Variants in DBNL observed in about 807,000 individuals in gnomAD.
DBNL encodes drebrin like, also known as drebrin-like protein.
A neutral mutation model predicts 62.2 loss-of-function variants in DBNL; 35 were observed. The observed-to-expected ratio is 0.56, with a 90% CI of 0.43 to 0.75. The LOEUF (loss-of-function observed/expected upper bound fraction) is 0.75. Among genes scored for constraint, DBNL ranks in the 30% least tolerant of loss-of-function variants. DBNL has a pLI of 0.00. For missense variants in DBNL, 495 were observed against 578.4 expected, an observed-to-expected ratio of 0.86 and a Z score of 1.48; for synonymous variants, 197 against 218.0, an observed-to-expected ratio of 0.90 and a Z score of 0.85.
Position 44,062,484 on chromosome 7 carries a change from G to A in DBNL, c.*1568G>A, listed in dbSNP as rs1406983114. On this transcript the variant is annotated 3_prime_UTR_variant, in exon 13 of 13. Transcript: ENST00000448521. ...ACTGGCCCCAAGCACGCCAATTCTG[G>A]AGCATGGTTACTAAGTGGCTCTGAA... 4.2e-6 allele frequency: 2 copies of A among 480,310 alleles called. No homozygotes were observed. The highest frequency in any genetic ancestry group is 3.9e-5 in the African/African-American group (2 of 51,018). 29.8% of individuals were successfully genotyped at this position (480,310 alleles called of 1,614,324 possible).
At position 44,059,443 on chromosome 7, in the gene DBNL, AG is replaced by A; in HGVS notation, c.928del (p.Ala310GlnfsTer94). 1.9e-6 allele frequency: 3 copies of A among 1,614,070 alleles called. No homozygotes were observed. Among genetic ancestry groups the A allele is most frequent in the Non-Finnish European group, 2.5e-6 (3 of 1,179,994 alleles). On this transcript the variant is annotated frameshift_variant, in exon 10 of 13. Coordinates refer to ENST00000448521, the MANE Select transcript of DBNL (RefSeq NM_001014436.3). LOFTEE classifies it high-confidence loss of function. The surrounding 1 kb of genome is among the most constrained non-coding windows in gnomAD (Gnocchi z 4.1). ...GCCAGCTGCTGCCATCTCAAGGCCC[AG>A]GGCAGGCAAGGCGCTTGTCACCCCA... ...REPAAAISRP[R>X]ADLPAEEPAP... is the part of the protein sequence containing the mutation.
At chr7:44,052,785 C>A in intron 3 of DBNL, 82 bp from the exon 4 acceptor site, 1 of 1,536,116 alleles carries the variant, frequency 6.5e-7, no homozygotes, top group Non-Finnish European at 8.9e-7. Context: ...TTTTCTGGGA[C>A]ACAGGGTAGA....
rs557449714 is a variant in DBNL at position 44,054,769 on chromosome 7, A to G, written c.327+1828A>G. Among the ~76,000 whole-genome samples the G allele has an allele frequency of 2.6e-5, 4 of 152,178 alleles. No homozygotes were observed. In the East Asian group the frequency reaches 7.7e-4, roughly 29 times the overall value. ...ACTGTACTTTTGTACCTGTTAAGCAACTTCTCTTCATTTTCTCTCCCCCAT... is the reference window on the plus strand; with the variant it reads ...ACTGTACTTTTGTACCTGTTAAGCAGCTTCTCTTCATTTTCTCTCCCCCAT... On this transcript the variant is annotated intron_variant, in intron 4 of 12. Transcript: ENST00000448521.
intron 2 of DBNL, 52 bp downstream of exon 2, chr7:44,050,332 G>T: frequency 6.3e-7 from 1 of 1,596,076 alleles, no homozygotes; most frequent in South Asian, 1.1e-5. Context: ...GGAGGGTGAC[G>T]ACGAGGGGTC....
rs1410137995 is a variant in DBNL at position 44,064,350 on chromosome 7, C to T, written c.*3434C>T. The T allele has an allele frequency of 1.4e-5, 3 of 212,238 alleles. No homozygotes were observed. Among genetic ancestry groups the T allele is most frequent in the Admixed American group, 5.3e-5 (1 of 19,000 alleles). The allele number at this position is 212,238 out of a possible 1,614,324, so 13.1% of individuals were successfully genotyped here. On this transcript the variant is annotated 3_prime_UTR_variant, in exon 13 of 13. Transcript: ENST00000448521. ...CCAGAGGGAGATAGGTGGTGAAGCT[C>T]ATGCAGGGATTCTGAGGACCTGATG...
At position 44,059,941 on chromosome 7, in the gene DBNL, C is replaced by G. The variant is rs1040864425; in HGVS notation, c.1048-107C>G. The G allele has an allele frequency of 3.5e-6, 4 of 1,132,658 alleles. No homozygotes were observed. The highest frequency in any genetic ancestry group is 4.1e-5 in the Admixed American group (2 of 48,804). 70.2% of individuals were successfully genotyped at this position (1,132,658 alleles called of 1,614,324 possible). On this transcript the variant is annotated intron_variant, in intron 11 of 12. Transcript: ENST00000448521. The surrounding 1 kb of genome is among the most constrained non-coding windows in gnomAD (Gnocchi z 4.1). ...GCAGCCCAGCCCCCGAGCCTGTAGA[C>G]TGCTTGCCCTCTGCGTACTCCCAGC...
At chr7:44,044,920 G>T in intron 1 of DBNL, 100 bp downstream of exon 1, 1 of 1,231,680 alleles carries the variant, frequency 8.1e-7, no homozygotes, top group Admixed American at 3.8e-5. Context: ...GCGCGAGCGC[G>T]GAGCGGTGCC....
In DBNL at chr7:44,064,898, C is replaced by T. The variant is rs887686454; in HGVS notation, c.*3982C>T. ...GCTGCAATGAGCACTCGCTTGCCGGCCTTGATCTGGGGAACAATCTCCTCG... is the reference window on the plus strand; with the variant it reads ...GCTGCAATGAGCACTCGCTTGCCGGTCTTGATCTGGGGAACAATCTCCTCG... On this transcript the variant is annotated 3_prime_UTR_variant, in exon 13 of 13. Coordinates refer to ENST00000448521, the MANE Select transcript of DBNL (RefSeq NM_001014436.3). The T allele has an allele frequency of 1.4e-5, 22 of 1,611,262 alleles. No individual in the cohort carries two copies. Among genetic ancestry groups the T allele is most frequent in the Non-Finnish European group, 1.8e-5 (21 of 1,179,576 alleles).
At position 44,064,793 on chromosome 7, in the gene DBNL, G is replaced by GGCCCCCCCCCCAGCCCC; in HGVS notation, c.*3877_*3878insGCCCCCCCCCCAGCCCC. ...AGATGAGAAGCCAGCTGGGGCTGCT[G>GGCCCCCCCCCCAGCCCC]CCCACCCACCCTGCCCAGGCTCCTG... is the stretch of plus-strand genomic sequence containing the variant. On this transcript the variant is annotated 3_prime_UTR_variant, in exon 13 of 13. Coordinates refer to ENST00000448521, the MANE Select transcript of DBNL (RefSeq NM_001014436.3). 1 of 1,136,982 alleles carries GGCCCCCCCCCCAGCCCC rather than the reference G, an allele frequency of 8.8e-7. No individual in the cohort carries two copies. 70.4% of individuals were successfully genotyped at this position (1,136,982 alleles called of 1,614,324 possible).
rs1384082005 is a variant in DBNL, at chr7:44,065,247, G to T, written c.*4331G>T. ...GTTTCTGCCTTGTTGAGGCCTGTGA[G>T]GCCCCCGTAATGCCGCTCATTGAGG... On this transcript the variant is annotated 3_prime_UTR_variant, in exon 13 of 13. Coordinates refer to ENST00000448521, the MANE Select transcript of DBNL (RefSeq NM_001014436.3). The T allele has an allele frequency of 1.2e-6, 2 of 1,613,928 alleles. No homozygotes were observed. Among genetic ancestry groups the T allele is most frequent in the Non-Finnish European group, 1.7e-6 (2 of 1,180,054 alleles).
chr7:44,056,768 G>T lies in DBNL; in HGVS notation c.339G>T (p.Val113=). ...TMASFLKGAH[V]TINARAEEDV... is the part of the protein sequence containing the mutation. The stretch of plus-strand genomic sequence containing the variant: ...TGCTCCTGCTGCAGGGGGCCCATGT[G>T]ACCATCAACGCACGGGCCGAGGAGG... Residue 113 remains valine, a synonymous_variant, in exon 5 of 13, where the codon GTG becomes GTT. Transcript: ENST00000448521. 1 of 1,613,882 alleles carries T rather than the reference G, an allele frequency of 6.2e-7. No individual in the cohort carries two copies. Among genetic ancestry groups the T allele is most frequent in the South Asian group, 1.1e-5 (1 of 91,064 alleles).
In DBNL at chr7:44,060,803, C is replaced by T; in HGVS notation, c.1180C>T (p.Pro394Ser). ...AADDTEISFDPENLITGIEVI... is the reference protein window; with the variant it reads ...AADDTEISFDSENLITGIEVI... ...CGACGACACAGAGATCTCCTTTGAC[C>T]CCGAGAACCTCATCACGGGCATCGA... Residue 394 changes from proline to serine, a missense_variant, in exon 13 of 13, where the codon CCC (proline) becomes TCC (serine). By Grantham distance (74) the Pro-to-Ser change is moderately conservative (BLOSUM62 -1). Coordinates refer to ENST00000448521, the MANE Select transcript of DBNL (RefSeq NM_001014436.3). The surrounding 1 kb of genome is among the most constrained non-coding windows in gnomAD (Gnocchi z 6.3). 3 of 1,614,002 alleles carry T rather than the reference C, an allele frequency of 1.9e-6. No individual in the cohort carries two copies. The highest frequency in any genetic ancestry group is 2.5e-6 in the Non-Finnish European group (3 of 1,179,952).
At chr7:44,052,602 TC>T in intron 3 of DBNL, among the ~76,000 whole-genome samples, 1 of 137,886 alleles carries the variant, frequency 7.3e-6, no homozygotes, top group East Asian at 2.2e-4. Context: ...AGAGCAAGAC[TC>T]CATCTCCAAA....
Position 44,060,061 on chromosome 7 carries a change from G to T in DBNL, c.1061G>T (p.Gly354Val), listed in dbSNP as rs762633611. ...ATCCCTGGGCAGGTGCAGCAGCAAGGTGCTGGCTCTGAGCACATTGACCAC... is the reference window on the plus strand; with the variant it reads ...ATCCCTGGGCAGGTGCAGCAGCAAGTTGCTGGCTCTGAGCACATTGACCAC... ...YEQPPLVQQQGAGSEHIDHHI... is the reference protein window; with the variant it reads ...YEQPPLVQQQVAGSEHIDHHI... Residue 354 changes from glycine (G) to valine (V), a missense_variant, in exon 12 of 13, where the codon GGT becomes GTT. Coordinates refer to ENST00000448521, the MANE Select transcript of DBNL (RefSeq NM_001014436.3). The surrounding 1 kb of genome is among the most constrained non-coding windows in gnomAD (Gnocchi z 6.3). 2 of 1,613,350 alleles carry T rather than the reference G, an allele frequency of 1.2e-6. No individual in the cohort carries two copies. The highest frequency in any genetic ancestry group is 1.3e-5 in the African/African-American group (1 of 74,922).
At chr7:44,049,220 G>A (rs12671567) in intron 1 of DBNL, among the ~76,000 whole-genome samples, 43,804 of 151,840 alleles carry the variant, frequency 0.29, 7,380 homozygotes, top group East Asian at 0.68. Context: ...GCAGTGGCGC[G>A]ATCTTGGCTC....
chr7:44,053,656 C>T (rs187701409), intron 4 of DBNL, among the ~76,000 whole-genome samples: 137 of 151,638 alleles, frequency 9.0e-4, no homozygotes, highest in African/African-American at 3.0e-3. Context: ...ATCCAAAATC[C>T]GAAATTCTCC....
chr7:44,058,790 C>A, intron 8 of DBNL, 112 bp from the exon 9 acceptor site: 8 of 1,226,268 alleles, frequency 6.5e-6, no homozygotes, highest in Non-Finnish European at 8.2e-6. Context: ...TGCCTCCTGG[C>A]CCCACACTCA....
intron 1 of DBNL, among the ~76,000 whole-genome samples, chr7:44,047,618 C>A (rs754873575): frequency 6.6e-6 from 1 of 152,238 alleles, no homozygotes; most frequent in Non-Finnish European, 1.5e-5. Flanking sequence ...TTGTTCATAG[C>A]TGCATTCCTG....
At chr7:44,057,685 C>G in intron 5 of DBNL, 97 bp from the exon 6 acceptor site, 1 of 1,354,274 alleles carries the variant, frequency 7.4e-7, no homozygotes, top group Non-Finnish European at 1.0e-6. Flanking sequence ...CAGCACTCAC[C>G]TGTGCTGTCG....
Sources: allele counts gnomAD v4.1 joint callset (sites outside exome capture counted in the v4.1 genomes callset), GRCh38; gene constraint gnomAD v4.1.1; non-coding constraint Gnocchi (gnomAD v3.1); transcripts MANE v1.5; gene names NCBI Gene and HGNC (gene_info 2026-07-23, HGNC 2026-07-21).